PPARGC1A: variants seen among roughly 807,000 people sequenced by gnomAD.
PPARGC1A encodes PPARG coactivator 1 alpha.
Under a neutral mutation model 88.7 loss-of-function variants are expected in PPARGC1A, and 25 were observed. The ratio of observed to expected loss-of-function variants is 0.28; its 90% confidence interval spans 0.21 to 0.39. PPARGC1A has a LOEUF of 0.39. Ranked by LOEUF, PPARGC1A falls within the 10% of genes least tolerant of loss-of-function variation. The pLI, the probability that PPARGC1A is intolerant of heterozygous loss-of-function variation, is 1.00. For missense variants in PPARGC1A, 880 were observed against 968.7 expected (o/e 0.91, Z 1.22); for synonymous variants, 363 against 355.6 (o/e 1.02, Z -0.24).
chr4:24,208,901 T>A, the PPARGC1A span, among the ~76,000 whole-genome samples: 10 of 152,208 alleles, frequency 6.6e-5, no homozygotes, highest in Non-Finnish European at 1.5e-4. Flanking sequence ...CACTTTGTGA[T>A]GGGAAGAGTT....
At chr4:24,157,736 G>T in the PPARGC1A span, among the ~76,000 whole-genome samples, 3 of 151,864 alleles carry the variant, frequency 2.0e-5, no homozygotes, top group East Asian at 5.8e-4. Context: ...AACCTGTCCT[G>T]ATCCAACCCC....
chr4:24,052,940 T>C, the PPARGC1A span, among the ~76,000 whole-genome samples: 4 of 132,426 alleles, frequency 3.0e-5, no homozygotes, highest in African/African-American at 8.4e-5. Context: ...CTTGGCTCAC[T>C]GCAAGCTCCA....
At chr4:24,176,345 C>T in the PPARGC1A span, among the ~76,000 whole-genome samples, 1 of 152,078 alleles carries the variant, frequency 6.6e-6, no homozygotes, top group Non-Finnish European at 1.5e-5. Context: ...TGATTTATTA[C>T]ATGGCTTTTA....
chr4:24,222,848 A>T, the PPARGC1A span, among the ~76,000 whole-genome samples: 1 of 152,202 alleles, frequency 6.6e-6, no homozygotes, highest in African/African-American at 2.4e-5. Context: ...TTTTACTGGC[A>T]GTTAGACACA....
the PPARGC1A span, among the ~76,000 whole-genome samples, chr4:24,002,347 C>T: frequency 1.1e-4 from 17 of 151,970 alleles, no homozygotes; most frequent in African/African-American, 9.7e-5. Context: ...AGGATGGTCT[C>T]GATCTCCTGA....
chr4:24,282,778 G>A, the PPARGC1A span, among the ~76,000 whole-genome samples: 30 of 152,226 alleles, frequency 2.0e-4, no homozygotes, highest in African/African-American at 6.5e-4. Context: ...CACTTGCTCC[G>A]GCTGCTTGCT....
At chr4:23,862,984 G>A (rs1038021614) in intron 2 of PPARGC1A, among the ~76,000 whole-genome samples, 2 of 151,964 alleles carry the variant, frequency 1.3e-5, no homozygotes, top group South Asian at 2.1e-4. Flanking sequence ...TCCTCTCTGC[G>A]CCTTCCCTGA....
the PPARGC1A span, among the ~76,000 whole-genome samples, chr4:24,383,637 A>G: frequency 1.3e-5 from 2 of 152,208 alleles, no homozygotes; most frequent in African/African-American, 4.8e-5. Flanking sequence ...GAGATTGAAG[A>G]TTAACTTAAT....
chr4:23,921,971 A>G, the PPARGC1A span, among the ~76,000 whole-genome samples: 3 of 152,296 alleles, frequency 2.0e-5, no homozygotes, highest in African/African-American at 7.2e-5. Context: ...TCATTCATTC[A>G]TTCGTTCATT....
the PPARGC1A span, among the ~76,000 whole-genome samples, chr4:24,058,909 C>A: frequency 1.7e-3 from 259 of 152,318 alleles, no homozygotes; most frequent in Non-Finnish European, 2.3e-3. Flanking sequence ...CATGCCATTG[C>A]ACCCCAGCCT....
the PPARGC1A span, among the ~76,000 whole-genome samples, chr4:24,468,088 A>G: frequency 6.6e-6 from 1 of 152,156 alleles, no homozygotes; most frequent in South Asian, 2.1e-4. Context: ...TCAATATCAT[A>G]CAGACCTGGC....
chr4:24,284,872 CA>C, the PPARGC1A span, among the ~76,000 whole-genome samples: 1 of 151,882 alleles, frequency 6.6e-6, no homozygotes, highest in South Asian at 2.1e-4. Context: ...ACCAAAAATA[CA>C]AAAAATTAGG....
chr4:24,129,933 G>T, the PPARGC1A span, among the ~76,000 whole-genome samples: 1 of 152,060 alleles, frequency 6.6e-6, no homozygotes, highest in African/African-American at 2.4e-5. Flanking sequence ...TCACTCATAG[G>T]TGGGAATTGA....
chr4:24,308,643 C>T, the PPARGC1A span, among the ~76,000 whole-genome samples: 1 of 152,110 alleles, frequency 6.6e-6, no homozygotes, highest in Non-Finnish European at 1.5e-5. Context: ...AGAGGTGTCT[C>T]ATGGGTCAAG....
At chr4:23,941,602 T>C in the PPARGC1A span, among the ~76,000 whole-genome samples, 3 of 152,172 alleles carry the variant, frequency 2.0e-5, no homozygotes, top group Non-Finnish European at 2.9e-5. Context: ...GAAAAGAGAA[T>C]GGCACTGGTG....
At chr4:24,039,583 G>C in the PPARGC1A span, among the ~76,000 whole-genome samples, 1 of 152,098 alleles carries the variant, frequency 6.6e-6, no homozygotes, top group African/African-American at 2.4e-5. Context: ...AGAGGCCTCT[G>C]ATGCCAAGTG....
chr4:24,229,231 G>A, the PPARGC1A span, among the ~76,000 whole-genome samples: 10,814 of 139,472 alleles, frequency 0.078, 599 homozygotes, highest in African/African-American at 0.15. Flanking sequence ...TCAGCTCACT[G>A]AAACCTCCAC....
At chr4:24,117,665 C>T in the PPARGC1A span, among the ~76,000 whole-genome samples, 1 of 151,678 alleles carries the variant, frequency 6.6e-6, no homozygotes. Flanking sequence ...ATCGCTGCCC[C>T]TTCCATTAAT....
At chr4:23,894,818 G>A (rs1335141709), upstream of PPARGC1A, among the ~76,000 whole-genome samples, 1 of 151,958 alleles carries the variant, frequency 6.6e-6, no homozygotes, top group East Asian at 1.9e-4. Context: ...ATAATAAAAG[G>A]GTGGTTAAAA....
Sources: gnomAD v4.1 joint callset for allele counts (sites outside exome capture counted in the v4.1 genomes callset) on GRCh38, gnomAD v4.1.1 for gene constraint, MANE v1.5 for transcripts, NCBI Gene and HGNC (gene_info 2026-07-23, HGNC 2026-07-21) for gene names.